Variants in FBXL17 observed in about 807,000 individuals in gnomAD.
The protein encoded by FBXL17 is F-box and leucine rich repeat protein 17.
In FBXL17, 22 loss-of-function variants were observed where a neutral mutation model predicts 66.2. The ratio of observed to expected loss-of-function variants is 0.33; its 90% CI spans 0.24 to 0.47. FBXL17 has a LOEUF of 0.47. FBXL17 is among the 20% of genes least tolerant of loss of function. The probability of loss-of-function intolerance (pLI) is 1.00; values close to 1 mark genes in which losing one functional copy is unlikely to be tolerated. For missense variants in FBXL17, 878 were observed against 948.2 expected (o/e 0.93, Z 0.97); for synonymous variants, 474 against 400.5 (o/e 1.18, Z -2.19).
chr5:108,322,407 CG>C (rs970537662), intron 4 of FBXL17, among the ~76,000 whole-genome samples: 6 of 151,606 alleles, frequency 4.0e-5, no homozygotes, highest in African/African-American at 1.2e-4. Flanking sequence ...CTGTTAAGTG[CG>C]GGGGAAAAAA....
At chr5:107,928,355 C>A (rs911200805) in intron 7 of FBXL17, among the ~76,000 whole-genome samples, 16 of 151,722 alleles carry the variant, frequency 1.1e-4, no homozygotes, top group Non-Finnish European at 1.9e-4. Context: ...TTCTTTTAAA[C>A]CTTTATTTAC....
intron 6 of FBXL17, among the ~76,000 whole-genome samples, chr5:108,021,713 A>G (rs10078557): frequency 6.6e-6 from 1 of 151,756 alleles, no homozygotes; most frequent in Non-Finnish European, 1.5e-5. Context: ...ACAGATTCGA[A>G]TGAACTTTAA....
intron 5 of FBXL17, among the ~76,000 whole-genome samples, chr5:108,189,083 C>A (rs1753354367): frequency 6.6e-6 from 1 of 152,128 alleles, no homozygotes; most frequent in Non-Finnish European, 1.5e-5. Context: ...AGGCCAACAT[C>A]TTTTATGAAC....
At chr5:108,031,515 T>C (rs1291390514) in intron 6 of FBXL17, among the ~76,000 whole-genome samples, 3 of 152,062 alleles carry the variant, frequency 2.0e-5, no homozygotes, top group Non-Finnish European at 4.4e-5. Flanking sequence ...AAATCAGATG[T>C]TCAAAAGAAG....
intron 6 of FBXL17, among the ~76,000 whole-genome samples, chr5:108,070,518 C>T (rs1040295010): frequency 1.3e-5 from 2 of 152,188 alleles, no homozygotes; most frequent in Non-Finnish European, 2.9e-5. Context: ...ACTACGAATG[C>T]TTCAAACCCA....
chr5:108,287,372 CA>C (rs1757940625), intron 4 of FBXL17, among the ~76,000 whole-genome samples: 1 of 151,956 alleles, frequency 6.6e-6, no homozygotes, highest in Non-Finnish European at 1.5e-5. Context: ...ATGCATCTGA[CA>C]AAGGTCTAAT....
intron 4 of FBXL17, among the ~76,000 whole-genome samples, chr5:108,308,797 T>G (rs1251052141): frequency 6.6e-6 from 1 of 152,148 alleles, no homozygotes. Flanking sequence ...GTAAATTTAC[T>G]GATTTTAAAT....
chr5:108,079,162 T>TC (rs1410454653), intron 6 of FBXL17, among the ~76,000 whole-genome samples: 3 of 151,956 alleles, frequency 2.0e-5, no homozygotes, highest in African/African-American at 7.2e-5. Flanking sequence ...CTTTCTTTTT[T>TC]TTTTTTTTTA....
In FBXL17 at chr5:107,861,608, A is replaced by G; in HGVS notation, c.*112T>C. On this transcript the variant is annotated 3_prime_UTR_variant, in exon 9 of 9. Coordinates refer to ENST00000542267, the MANE Select transcript of FBXL17 (RefSeq NM_001163315.3). ...AACAAGACACAAATACACATACTTG[A>G]ACACACACAGACAGGTGACAGTTAA... 9.9e-7 allele frequency: 1 copy of G among 1,006,328 alleles called. No individual in the cohort carries two copies. The highest frequency in any genetic ancestry group is 1.3e-6 in the Non-Finnish European group (1 of 755,590). The allele number at this position is 1,006,328 out of a possible 1,614,324, so 62.3% of individuals were successfully genotyped here. A position where few individuals can be genotyped will look rare whatever the true frequency, so the allele number is the denominator to read the frequency against.
intron 4 of FBXL17, among the ~76,000 whole-genome samples, chr5:108,260,390 C>A (rs1756763217): frequency 6.6e-6 from 1 of 152,084 alleles, no homozygotes; most frequent in African/African-American, 2.4e-5. Context: ...CATTACCACA[C>A]AGGGTAGCTA....
At chr5:107,891,822 T>G (rs927092580) in intron 7 of FBXL17, among the ~76,000 whole-genome samples, 1 of 152,166 alleles carries the variant, frequency 6.6e-6, no homozygotes, top group African/African-American at 2.4e-5. Flanking sequence ...CTTATTAATC[T>G]TTGCGTCATC....
chr5:108,086,336 C>T (rs754710839), intron 6 of FBXL17, among the ~76,000 whole-genome samples: 17 of 152,162 alleles, frequency 1.1e-4, no homozygotes, highest in Non-Finnish European at 2.4e-4. Context: ...GGTGGGTCCA[C>T]CTACCCTCTC....
intron 6 of FBXL17, among the ~76,000 whole-genome samples, chr5:108,122,604 A>T (rs1446156871): frequency 6.6e-6 from 1 of 152,220 alleles, no homozygotes; most frequent in Non-Finnish European, 1.5e-5. Context: ...AATGAGTATA[A>T]TTAGAAAACC....
At chr5:107,909,500 T>C (rs1266353151) in intron 7 of FBXL17, among the ~76,000 whole-genome samples, 1 of 152,188 alleles carries the variant, frequency 6.6e-6, no homozygotes, top group Non-Finnish European at 1.5e-5. Flanking sequence ...ACAATGAGAA[T>C]GATGGAAATA....
chr5:108,077,555 T>C (rs897838347), intron 6 of FBXL17, among the ~76,000 whole-genome samples: 6 of 151,388 alleles, frequency 4.0e-5, no homozygotes, highest in African/African-American at 1.5e-4. Context: ...CCCAGCTACA[T>C]ATGAGGCTGA....
At chr5:107,928,631 CA>C (rs1261609659) in intron 7 of FBXL17, among the ~76,000 whole-genome samples, 1 of 151,978 alleles carries the variant, frequency 6.6e-6, no homozygotes, top group Non-Finnish European at 1.5e-5. Context: ...TCAATAGCTT[CA>C]AAAATTCATT....
intron 8 of FBXL17, among the ~76,000 whole-genome samples, chr5:107,862,446 A>G (rs1263335113): frequency 2.0e-5 from 3 of 152,182 alleles, no homozygotes; most frequent in Non-Finnish European, 2.9e-5. Flanking sequence ...ACCATCAAAG[A>G]TACCACCTTG....
intron 4 of FBXL17, among the ~76,000 whole-genome samples, chr5:108,230,419 A>G (rs1561477593): frequency 6.6e-6 from 1 of 152,230 alleles, no homozygotes; most frequent in Non-Finnish European, 1.5e-5. Context: ...TGGCATTCAC[A>G]GCAACCTGGA....
chr5:108,222,672 CT>C (rs34291617), intron 5 of FBXL17, among the ~76,000 whole-genome samples: 17,380 of 116,956 alleles, frequency 0.15, 518 homozygotes, highest in South Asian at 0.28. Flanking sequence ...ACTATGGCAT[CT>C]TTTTTTTTTT....
Sources: gnomAD v4.1 joint callset for allele counts (sites outside exome capture counted in the v4.1 genomes callset) on GRCh38, gnomAD v4.1.1 for gene constraint, MANE v1.5 for transcripts, NCBI Gene and HGNC (gene_info 2026-07-23, HGNC 2026-07-21) for gene names.